The following CNTNAP5 variants were observed in gnomAD, a reference collection of about 807,000 sequenced individuals.
CNTNAP5 encodes contactin-associated protein-like 5.
Under a neutral mutation model 150.2 loss-of-function variants are expected in CNTNAP5, and 72 were observed. The observed-to-expected ratio is 0.48, with a 90% CI of 0.40 to 0.58. The LOEUF (loss-of-function observed/expected upper bound fraction) is 0.58. Ranked by LOEUF, CNTNAP5 falls within the 20% of genes least tolerant of loss-of-function variation. The probability of loss-of-function intolerance (pLI) is 0.00; values close to 1 mark genes in which losing one functional copy is unlikely to be tolerated. For synonymous variants in CNTNAP5, 672 were observed against 619.8 expected, an observed-to-expected ratio of 1.08 and a Z score of -1.25; for missense variants, 1,636 against 1,626.2, an observed-to-expected ratio of 1.01 and a Z score of -0.10.
At chr2:124,753,950 A>G (rs1203632365) in intron 14 of CNTNAP5, among the ~76,000 whole-genome samples, 1 of 152,134 alleles carries the variant, frequency 6.6e-6, no homozygotes, top group Non-Finnish European at 1.5e-5. Context: ...GTTTTGGTGA[A>G]TGCATGTCTA....
chr2:124,764,059 T>C lies in CNTNAP5; in HGVS notation c.2445T>C (p.Asp815=). The C allele has an allele frequency of 1.2e-6, 2 of 1,613,206 alleles. No individual in the cohort carries two copies. Among genetic ancestry groups the C allele is most frequent in the Non-Finnish European group, 8.5e-7 (1 of 1,179,326 alleles). ...FPTFHAEFSA[D]ISFFFKTTAL... Reference sequence around the variant, plus strand: ...CCTTCCATGCGGAATTCAGTGCCGATATTTCCTTCTTTTTTAAAACCACAG... The same window carrying C: ...CCTTCCATGCGGAATTCAGTGCCGACATTTCCTTCTTTTTTAAAACCACAG... Residue 815 remains aspartate (D), a synonymous_variant, in exon 16 of 24, where the codon GAT becomes GAC. Coordinates refer to ENST00000682447, the MANE Select transcript of CNTNAP5 (RefSeq NM_001367498.1).
At chr2:124,348,382 G>T (rs1377717839) in intron 3 of CNTNAP5, among the ~76,000 whole-genome samples, 2 of 152,020 alleles carry the variant, frequency 1.3e-5, no homozygotes, top group East Asian at 1.9e-4. Context: ...ACAACCGAGG[G>T]CATCCTCGTT....
intron 13 of CNTNAP5, among the ~76,000 whole-genome samples, chr2:124,670,177 C>CTTCCTTCCTTCCTTCCTTCT (rs879800479): frequency 1.1e-4 from 15 of 138,338 alleles, no homozygotes; most frequent in African/African-American, 4.1e-4. Flanking sequence ...TCCTTCCTTC[C>CTTCCTTCCTTCCTTCCTTCT]TCCCTCTCTT....
intron 1 of CNTNAP5, among the ~76,000 whole-genome samples, chr2:124,159,083 G>A (rs1304272522): frequency 6.6e-6 from 1 of 152,200 alleles, no homozygotes; most frequent in Non-Finnish European, 1.5e-5. Context: ...AACATGCATA[G>A]TCCCTTAACA....
intron 1 of CNTNAP5, among the ~76,000 whole-genome samples, chr2:124,142,829 C>CA (rs1255148887): frequency 6.6e-6 from 1 of 150,692 alleles, no homozygotes; most frequent in African/African-American, 2.5e-5. Flanking sequence ...AAAAACCCTT[C>CA]AAAAAAATCA....
chr2:124,265,454 C>T (rs1687581967), intron 3 of CNTNAP5, among the ~76,000 whole-genome samples: 1 of 152,204 alleles, frequency 6.6e-6, no homozygotes, highest in Middle Eastern at 3.4e-3. Flanking sequence ...TTAACATCAT[C>T]ATTCCTGTCC....
At chr2:124,842,169 T>C (rs1022051226) in intron 19 of CNTNAP5, among the ~76,000 whole-genome samples, 1 of 152,132 alleles carries the variant, frequency 6.6e-6, no homozygotes, top group Non-Finnish European at 1.5e-5. Flanking sequence ...CTGTAAATTA[T>C]ATATAAATAA....
intron 7 of CNTNAP5, 76 bp from the exon 8 acceptor site, chr2:124,504,216 G>A: frequency 7.0e-7 from 1 of 1,426,696 alleles, no homozygotes; most frequent in Non-Finnish European, 9.7e-7. Flanking sequence ...GTCAGCTCCA[G>A]GTGGTTGTTT....
At chr2:124,613,029 G>A (rs2104987685) in intron 12 of CNTNAP5, among the ~76,000 whole-genome samples, 1 of 152,276 alleles carries the variant, frequency 6.6e-6, no homozygotes. Flanking sequence ...TCCAGCCTGG[G>A]TGACAGAGTA....
At chr2:124,322,648 G>T (rs1186256709) in intron 3 of CNTNAP5, among the ~76,000 whole-genome samples, 3 of 152,146 alleles carry the variant, frequency 2.0e-5, no homozygotes, top group Admixed American at 1.3e-4. Flanking sequence ...TTCTGTCCTT[G>T]TTCGTATAGT....
At chr2:124,285,474 G>C (rs1404504176) in intron 3 of CNTNAP5, among the ~76,000 whole-genome samples, 1 of 152,202 alleles carries the variant, frequency 6.6e-6, no homozygotes, top group East Asian at 1.9e-4. Flanking sequence ...TACAGTTTTA[G>C]ACTTTCTGTC....
At chr2:124,433,377 A>G (rs1025633871) in intron 4 of CNTNAP5, among the ~76,000 whole-genome samples, 1 of 152,216 alleles carries the variant, frequency 6.6e-6, no homozygotes, top group Non-Finnish European at 1.5e-5. Flanking sequence ...GGGTTTTAAA[A>G]CTAATTACAG....
At chr2:124,408,212 G>A (rs1402822442) in intron 3 of CNTNAP5, among the ~76,000 whole-genome samples, 2 of 152,170 alleles carry the variant, frequency 1.3e-5, no homozygotes, top group Non-Finnish European at 2.9e-5. Flanking sequence ...ATTATATCTC[G>A]CACCTGGCTC....
At chr2:124,364,659 T>G (rs933007560) in intron 3 of CNTNAP5, among the ~76,000 whole-genome samples, 5 of 152,232 alleles carry the variant, frequency 3.3e-5, no homozygotes, top group African/African-American at 1.2e-4. Flanking sequence ...CATTTAGTGA[T>G]TCTTTATTTC....
rs72976427 is a variant in CNTNAP5 at position 124,670,109 on chromosome 2, C to T, written c.2077+22151C>T. Among the ~76,000 whole-genome samples, 1,315 of 147,676 alleles carry T rather than the reference C, an allele frequency of 8.9e-3. 26 individuals carry two copies. Among genetic ancestry groups the T allele is most frequent in the African/African-American group, 0.031 (1,254 of 40,660 alleles). ...TATTGTGCTGACACTTGCCTGCCTG[C>T]CTTCCTTTCCTTTTCCTTCCTTCTT... On this transcript the variant is annotated intron_variant, in intron 13 of 23. Coordinates refer to ENST00000682447, the MANE Select transcript of CNTNAP5 (RefSeq NM_001367498.1).
intron 7 of CNTNAP5, among the ~76,000 whole-genome samples, chr2:124,481,038 A>T (rs983784988): frequency 1.3e-5 from 2 of 152,232 alleles, no homozygotes; most frequent in African/African-American, 4.8e-5. Flanking sequence ...TGGGTAGCTT[A>T]TGAATAAGGG....
chr2:124,210,970 T>C (rs1685995720), intron 1 of CNTNAP5, among the ~76,000 whole-genome samples: 1 of 152,160 alleles, frequency 6.6e-6, no homozygotes, highest in African/African-American at 2.4e-5. Context: ...TCTGTTCCCT[T>C]TAAGAGTCAC....
chr2:124,447,384 A>C (rs1301969287), intron 6 of CNTNAP5, among the ~76,000 whole-genome samples: 1 of 152,196 alleles, frequency 6.6e-6, no homozygotes. Context: ...GCTTTTGACT[A>C]ATACCGTGGC....
chr2:124,905,703 G>C (rs1330196017), intron 22 of CNTNAP5, among the ~76,000 whole-genome samples: 1 of 152,124 alleles, frequency 6.6e-6, no homozygotes. Context: ...TGCTAGGGTT[G>C]GTCAGGAGGG....
Sources: gnomAD v4.1 joint callset for allele counts (sites outside exome capture counted in the v4.1 genomes callset) on GRCh38, gnomAD v4.1.1 for gene constraint, MANE v1.5 for transcripts, NCBI Gene and HGNC (gene_info 2026-07-23, HGNC 2026-07-21) for gene names.